The following PDE4B variants were observed in gnomAD, a reference collection of about 807,000 sequenced individuals.
PDE4B encodes phosphodiesterase 4B.
Under a neutral mutation model 82.2 loss-of-function variants are expected in PDE4B, and 20 were observed. The observed-to-expected ratio is 0.24, with a 90% confidence interval of 0.17 to 0.35. The LOEUF (loss-of-function observed/expected upper bound fraction) is 0.35. Ranked by LOEUF, PDE4B falls within the 10% of genes least tolerant of loss-of-function variation. The pLI, the probability that PDE4B is intolerant of heterozygous loss-of-function variation, is 1.00. For missense variants in PDE4B, 655 were observed against 907.2 expected (o/e 0.72, Z 3.57); for synonymous variants, 320 against 318.9 (o/e 1.00, Z -0.04).
At chr1:66,220,358 T>G (rs967515412) in intron 3 of PDE4B, among the ~76,000 whole-genome samples, 6 of 152,204 alleles carry the variant, frequency 3.9e-5, no homozygotes, top group Admixed American at 1.3e-4. Flanking sequence ...CATTTTGTAG[T>G]TTCTAAATTG....
rs117627432 is a variant in PDE4B at position 66,225,109 on chromosome 1, T to A, written c.282-22351T>A. Reference sequence around the variant, plus strand: ...GCATCTGTCTCCTCCCTCACCTTGATCATCAATTTCTCTCTCTCTCTCAAA... The same window carrying A: ...GCATCTGTCTCCTCCCTCACCTTGAACATCAATTTCTCTCTCTCTCTCAAA... On this transcript the variant is annotated intron_variant, in intron 3 of 16. Coordinates refer to ENST00000341517, the MANE Select transcript of PDE4B (RefSeq NM_002600.4). Among the ~76,000 whole-genome samples, 863 of 152,264 alleles carry A rather than the reference T, an allele frequency of 5.7e-3. 19 individuals are homozygous for A. The highest frequency in any genetic ancestry group is 0.034 in the Admixed American group (517 of 15,298).
chr1:66,250,923 T>C (rs1257075948), intron 4 of PDE4B, among the ~76,000 whole-genome samples: 1 of 152,208 alleles, frequency 6.6e-6, no homozygotes, highest in Non-Finnish European at 1.5e-5. Flanking sequence ...CATTTACGTG[T>C]GGACTAAGTA....
At chr1:66,307,551 A>G (rs897030424) in intron 7 of PDE4B, among the ~76,000 whole-genome samples, 1 of 152,176 alleles carries the variant, frequency 6.6e-6, no homozygotes, top group Non-Finnish European at 1.5e-5. Flanking sequence ...GTTAGAGGAT[A>G]GAAGTGGGAA....
intron 1 of PDE4B, among the ~76,000 whole-genome samples, chr1:65,801,862 T>C (rs1294836623): frequency 6.6e-6 from 1 of 152,230 alleles, no homozygotes. Flanking sequence ...AAATTTCTTC[T>C]GACTTCACAC....
chr1:65,935,768 C>T (rs1237848395), intron 3 of PDE4B, among the ~76,000 whole-genome samples: 1 of 151,936 alleles, frequency 6.6e-6, no homozygotes, highest in Non-Finnish European at 1.5e-5. Flanking sequence ...ATGGAGAAAC[C>T]CCATCTCTAA....
intron 1 of PDE4B, among the ~76,000 whole-genome samples, chr1:65,886,736 T>G (rs1275952386): frequency 3.3e-5 from 5 of 152,198 alleles, no homozygotes; most frequent in Non-Finnish European, 5.9e-5. Flanking sequence ...CTCAGTAGTA[T>G]TCTATCATGT....
chr1:65,825,739 T>TATCTA (rs1553188318), intron 1 of PDE4B, among the ~76,000 whole-genome samples: 2 of 151,970 alleles, frequency 1.3e-5, no homozygotes, highest in African/African-American at 4.8e-5. Flanking sequence ...TCTATCTATC[T>TATCTA]ATCTATCTAT....
chr1:66,002,320 A>G (rs900961261), intron 3 of PDE4B, among the ~76,000 whole-genome samples: 2 of 152,164 alleles, frequency 1.3e-5, no homozygotes, highest in African/African-American at 4.8e-5. Flanking sequence ...TCATGTATCA[A>G]TAAACTTTGC....
chr1:65,875,337 T>C (rs1461886411), intron 1 of PDE4B, among the ~76,000 whole-genome samples: 1 of 149,146 alleles, frequency 6.7e-6, no homozygotes, highest in African/African-American at 2.4e-5. Context: ...GTAGGAACAC[T>C]TTTACACTGT....
intron 3 of PDE4B, among the ~76,000 whole-genome samples, chr1:66,096,522 A>ATATATGTG (rs1553145368): frequency 4.3e-5 from 6 of 138,502 alleles, no homozygotes; most frequent in Non-Finnish European, 7.8e-5. Flanking sequence ...ATATATATAT[A>ATATATGTG]TATATATATA....
At chr1:66,106,971 C>T (rs999689088) in intron 3 of PDE4B, among the ~76,000 whole-genome samples, 1 of 147,928 alleles carries the variant, frequency 6.8e-6, no homozygotes, top group Non-Finnish European at 1.5e-5. Context: ...TATTTCTTGC[C>T]TTCTGCTAGC....
chr1:66,191,599 T>C (rs188664652), intron 3 of PDE4B, among the ~76,000 whole-genome samples: 1 of 152,308 alleles, frequency 6.6e-6, no homozygotes, highest in Admixed American at 6.5e-5. Flanking sequence ...GTCTGCCTTT[T>C]TGTCAAGTTA....
chr1:66,224,858 A>G (rs1177551287), intron 3 of PDE4B, among the ~76,000 whole-genome samples: 3 of 152,240 alleles, frequency 2.0e-5, no homozygotes, highest in Non-Finnish European at 4.4e-5. Context: ...AGTCTCCAGA[A>G]CAACTATTTT....
chr1:65,918,020 C>T (rs936189536), intron 2 of PDE4B, among the ~76,000 whole-genome samples: 8 of 152,038 alleles, frequency 5.3e-5, no homozygotes, highest in South Asian at 2.1e-4. Context: ...AAAAATTAGC[C>T]GGGCGTTGTG....
chr1:66,182,157 C>T (rs1013106993), intron 3 of PDE4B, among the ~76,000 whole-genome samples: 1 of 152,128 alleles, frequency 6.6e-6, no homozygotes, highest in South Asian at 2.1e-4. Context: ...AATGTTAATT[C>T]GCAGAGCACT....
intron 3 of PDE4B, among the ~76,000 whole-genome samples, chr1:66,109,160 T>A (rs923687039): frequency 6.6e-6 from 1 of 151,964 alleles, no homozygotes; most frequent in Non-Finnish European, 1.5e-5. Flanking sequence ...TACAGACATA[T>A]CTAAAATAGA....
chr1:66,178,605 T>A (rs552172817), intron 3 of PDE4B, among the ~76,000 whole-genome samples: 1 of 152,228 alleles, frequency 6.6e-6, no homozygotes, highest in Non-Finnish European at 1.5e-5. Flanking sequence ...TCCCAATTTA[T>A]CCAGAGCTAT....
intron 7 of PDE4B, among the ~76,000 whole-genome samples, chr1:66,315,151 G>T (rs926175745): frequency 6.6e-6 from 1 of 152,180 alleles, no homozygotes; most frequent in African/African-American, 2.4e-5. Context: ...TCACAAGGTT[G>T]TTTTGAGTAT....
intron 1 of PDE4B, among the ~76,000 whole-genome samples, chr1:65,849,388 A>C (rs913915063): frequency 2.6e-5 from 4 of 152,164 alleles, no homozygotes; most frequent in African/African-American, 9.7e-5. Context: ...ATAAGGATGC[A>C]TCCTAAAGGG....
Sources: allele counts gnomAD v4.1 joint callset (sites outside exome capture counted in the v4.1 genomes callset), GRCh38; gene constraint gnomAD v4.1.1; transcripts MANE v1.5; gene names NCBI Gene and HGNC (gene_info 2026-07-23, HGNC 2026-07-21).